The following ATXN3 variants were observed in gnomAD, a reference collection of about 807,000 sequenced individuals.
The protein encoded by ATXN3 is ataxin-3.
ATXN3 carries 28 observed loss-of-function variants against 58.2 expected under a neutral mutation model. The observed-to-expected ratio is 0.48, with a 90% CI of 0.36 to 0.66. ATXN3 has a LOEUF of 0.66. Among genes scored for constraint, ATXN3 ranks in the 30% least tolerant of loss-of-function variants. The pLI is 0.00. For missense variants in ATXN3, 321 were observed against 422.1 expected (o/e 0.76, Z 2.10); for synonymous variants, 113 against 138.5 (o/e 0.82, Z 1.29).
intron 6 of ATXN3, chr14:92,083,485 G>A (rs2061837848): frequency 3.1e-6 from 2 of 646,256 alleles, no homozygotes; most frequent in Admixed American, 2.1e-5. Flanking sequence ...AAGACTGGAA[G>A]AGCCGTCTCA....
At chr14:92,047,445 G>T (rs185407560) in intron 2 of ATXN3, among the ~76,000 whole-genome samples, 7 of 152,308 alleles carry the variant, frequency 4.6e-5, no homozygotes, top group African/African-American at 1.7e-4. Context: ...AGCCAGTTGT[G>T]GGATGGAATA....
chr14:92,055,398 C>T (rs922638237), downstream of ATXN3, among the ~76,000 whole-genome samples: 8 of 152,078 alleles, frequency 5.3e-5, no homozygotes, highest in South Asian at 2.1e-4. This position sits in a 1 kb window ranked among gnomAD's most constrained non-coding sequence, Gnocchi z 4.5. Flanking sequence ...AATGGTTATA[C>T]GGTTCACCGG....
At chr14:92,053,452 A>G (rs1038516946), upstream of ATXN3, among the ~76,000 whole-genome samples, 1 of 151,572 alleles carries the variant, frequency 6.6e-6, no homozygotes, top group South Asian at 2.1e-4. Context: ...AAGAAAAGGT[A>G]CATAGCCTTT....
At chr14:92,106,396 G>A (rs922593586) in intron 1 of ATXN3, 133 bp downstream of exon 1, 1 of 1,136,002 alleles carries the variant, frequency 8.8e-7, no homozygotes, top group Non-Finnish European at 1.3e-6. Context: ...GGAGGCTGCG[G>A]CGTCGCCCCT....
chr14:92,065,055 T>C (rs1005300473), intron 10 of ATXN3, among the ~76,000 whole-genome samples: 1 of 152,200 alleles, frequency 6.6e-6, no homozygotes, highest in Non-Finnish European at 1.5e-5. Flanking sequence ...AATCAAGACA[T>C]AGAAGTGTTA....
chr14:92,057,325 A>G (rs10145474), downstream of ATXN3, among the ~76,000 whole-genome samples: 21,806 of 151,860 alleles, frequency 0.14, 1,897 homozygotes, highest in African/African-American at 0.25. Context: ...CTGAGGCAGG[A>G]GAATTGCTTG....
At chr14:92,069,574 T>C (rs1263576752) in intron 10 of ATXN3, among the ~76,000 whole-genome samples, 4 of 152,078 alleles carry the variant, frequency 2.6e-5, no homozygotes, top group African/African-American at 9.7e-5. Flanking sequence ...GGTTTTGCCA[T>C]GTTGGCCAGG....
intron 10 of ATXN3, among the ~76,000 whole-genome samples, chr14:92,067,447 A>G (rs931483991): frequency 1.3e-5 from 2 of 152,202 alleles, no homozygotes; most frequent in Middle Eastern, 3.2e-3. Context: ...CCCAGGCTGC[A>G]GTACACTAGT....
intron 10 of ATXN3, among the ~76,000 whole-genome samples, chr14:92,069,083 CTTT>C (rs71301949): frequency 1.3e-4 from 19 of 142,508 alleles, no homozygotes; most frequent in Non-Finnish European, 2.3e-4. Context: ...ATGCTATAAT[CTTT>C]TTTTTTTTTG....
Position 92,085,268 on chromosome 14 carries a change from C to A in ATXN3, c.476-2010G>T. ...GTGGTATGATCTTGGCTCGCTGTAA[C>A]CTCTGCCTCCCGGGTTCAAGTGATT... is the stretch of plus-strand genomic sequence containing the variant. On this transcript the variant is annotated intron_variant, in intron 6 of 10. Transcript: ENST00000644486. Among the ~76,000 whole-genome samples, 2 of 151,666 alleles carry A rather than the reference C, an allele frequency of 1.3e-5. 1 individual carries two copies. The highest frequency in any genetic ancestry group is 3.9e-4 in the East Asian group (2 of 5,188).
intron 9 of ATXN3, among the ~76,000 whole-genome samples, chr14:92,080,017 C>G (rs1041652694): frequency 6.6e-6 from 1 of 151,772 alleles, no homozygotes; most frequent in African/African-American, 2.4e-5. Context: ...GGATTACAGA[C>G]GTAAGCCACC....
chr14:92,087,031 T>C (rs998785544), intron 6 of ATXN3, among the ~76,000 whole-genome samples: 2 of 152,196 alleles, frequency 1.3e-5, no homozygotes, highest in Non-Finnish European at 2.9e-5. Context: ...TAATTTTAAT[T>C]GCTTCTATGT....
Position 92,088,830 on chromosome 14 carries a change from T to A in ATXN3, c.388-13A>T. On this transcript the variant is annotated splice_polypyrimidine_tract_variant and intron_variant, in intron 5 of 10. Transcript: ENST00000644486. ...TCAAGTTAAACCACTGGAAAAAAAT[T>A]GTCAATATTTAAGTTAGTGTATATT... is the stretch of plus-strand genomic sequence containing the variant. 6.5e-7 allele frequency: 1 copy of A among 1,533,328 alleles called. No homozygotes were observed. The allele number at this position is 1,533,328 out of a possible 1,614,324, so 95.0% of individuals were successfully genotyped here. A position where few individuals can be genotyped will look rare whatever the true frequency, so the allele number is the denominator to read the frequency against.
intron 1 of ATXN3, among the ~76,000 whole-genome samples, chr14:92,098,744 T>C (rs1486350363): frequency 6.6e-6 from 1 of 152,174 alleles, no homozygotes; most frequent in Non-Finnish European, 1.5e-5. Flanking sequence ...AGATAATGTA[T>C]ACACAGTGTA....
At position 92,062,274 on chromosome 14, in the gene ATXN3, AAAAC is replaced by A. The variant is rs1334584130; in HGVS notation, c.*2042_*2045del. ...TCCGTCTCAAAAAAAAACAAAAACA[AAAAC>A]AAAAACTCTCTAGGAACTAAAAGTC... On this transcript the variant is annotated 3_prime_UTR_variant, in exon 11 of 11. Coordinates refer to ENST00000644486, the MANE Select transcript of ATXN3 (RefSeq NM_004993.6). The A allele has an allele frequency of 6.6e-6, 1 of 152,050 alleles. No homozygotes were observed. Among genetic ancestry groups the A allele is most frequent in the East Asian group, 1.9e-4 (1 of 5,196 alleles). 9.4% of individuals were successfully genotyped at this position (152,050 alleles called of 1,614,324 possible). A position where few individuals can be genotyped will look rare whatever the true frequency, so the allele number is the denominator to read the frequency against.
intron 10 of ATXN3, 64 bp downstream of exon 10, chr14:92,070,871 T>C (rs754352179): frequency 1.9e-6 from 3 of 1,613,386 alleles, no homozygotes; most frequent in South Asian, 2.2e-5. Flanking sequence ...AAAAATCACA[T>C]GGAGCTCGTA....
At position 92,106,346 on chromosome 14, in the gene ATXN3, G is replaced by A. The variant is rs548800762; in HGVS notation, c.24+183C>T. ...CAGGGCGGGGGCCGCGGGGGAAGTAGGGGCGTAGGTGATGCTCCCCTCCTC... is the reference window on the plus strand; with the variant it reads ...CAGGGCGGGGGCCGCGGGGGAAGTAAGGGCGTAGGTGATGCTCCCCTCCTC... On this transcript the variant is annotated intron_variant, in intron 1 of 10. Transcript: ENST00000644486. Among the ~76,000 whole-genome samples the A allele has an allele frequency of 6.2e-4, 94 of 152,014 alleles. No homozygotes were observed. The South Asian group carries it at 0.018, about 29-fold the overall frequency.
intron 5 of ATXN3, among the ~76,000 whole-genome samples, chr14:92,091,446 G>A (rs1369720372): frequency 1.5e-5 from 2 of 131,946 alleles, no homozygotes; most frequent in African/African-American, 6.0e-5. Context: ...GCAAGAATCC[G>A]TCTCAAAAGA....
chr14:92,055,189 TG>T (rs2140165072), downstream of ATXN3, among the ~76,000 whole-genome samples: 1 of 152,194 alleles, frequency 6.6e-6, no homozygotes, highest in East Asian at 1.9e-4. This position sits in a 1 kb window ranked among gnomAD's most constrained non-coding sequence, Gnocchi z 4.5. Context: ...GAGGATTTTT[TG>T]TTTTTTTTAC....
Sources: gnomAD v4.1 joint callset for allele counts (sites outside exome capture counted in the v4.1 genomes callset) on GRCh38, gnomAD v4.1.1 for gene constraint, Gnocchi (gnomAD v3.1) non-coding constraint, MANE v1.5 for transcripts, NCBI Gene and HGNC (gene_info 2026-07-23, HGNC 2026-07-21) for gene names.